The following FMNL1 variants were observed in gnomAD, a reference collection of about 807,000 sequenced individuals.
The protein encoded by FMNL1 is formin like 1, also known as formin-like protein 1.
A neutral mutation model predicts 121.3 loss-of-function variants in FMNL1; 43 were observed. The observed-to-expected ratio is 0.35, with a 90% confidence interval of 0.28 to 0.46. FMNL1 has a LOEUF of 0.46. FMNL1 is among the 20% of genes least tolerant of loss of function. The pLI, the probability that FMNL1 is intolerant of heterozygous loss-of-function variation, is 1.00. For missense variants in FMNL1, 1,191 were observed against 1,482.4 expected (o/e 0.80, Z 3.23); for synonymous variants, 613 against 613.5 (o/e 1.00, Z 0.01).
chr17:45,242,537 C>T, intron 16 of FMNL1, 72 bp downstream of exon 16: 1 of 1,549,638 alleles, frequency 6.5e-7, no homozygotes, highest in Non-Finnish European at 8.7e-7. Context: ...AGGCTGGGCC[C>T]TGGGGGTAGT....
chr17:45,225,046 C>T (rs1042593873), intron 1 of FMNL1, among the ~76,000 whole-genome samples: 1 of 152,242 alleles, frequency 6.6e-6, no homozygotes, highest in Non-Finnish European at 1.5e-5. Flanking sequence ...GGGCCTGGGA[C>T]ACCCCTGATC....
At chr17:45,225,366 C>T (rs556379313) in intron 1 of FMNL1, among the ~76,000 whole-genome samples, 2 of 152,322 alleles carry the variant, frequency 1.3e-5, no homozygotes, top group South Asian at 2.1e-4. Flanking sequence ...CTCCCACCTC[C>T]GGGACAGGGC....
At position 45,237,170 on chromosome 17, in the gene FMNL1, T is replaced by G; in HGVS notation, c.724-111T>G. 1 of 951,976 alleles carries G rather than the reference T, an allele frequency of 1.1e-6. No homozygotes were observed. The highest frequency in any genetic ancestry group is 1.6e-6 in the Non-Finnish European group (1 of 613,770). The allele number at this position is 951,976 out of a possible 1,614,324, so 59.0% of individuals were successfully genotyped here. A position where few individuals can be genotyped will look rare whatever the true frequency, so the allele number is the denominator to read the frequency against. On this transcript the variant is annotated intron_variant, in intron 7 of 26. Transcript: ENST00000331495. This position sits in a 1 kb window ranked among gnomAD's most constrained non-coding sequence, Gnocchi z 4.4. ...TTTTGGTGGCCACAGAAGTTGCGGT[T>G]GGATACAAAGAACTTCCTAAACTCG... is the stretch of plus-strand genomic sequence containing the variant.
At chr17:45,242,854 T>C (rs1189743025) in intron 16 of FMNL1, among the ~76,000 whole-genome samples, 1 of 152,210 alleles carries the variant, frequency 6.6e-6, no homozygotes, top group Non-Finnish European at 1.5e-5. Flanking sequence ...TCTTTTCCTT[T>C]CTCCTTTTTA....
At chr17:45,229,166 G>A (rs1013903630) in intron 1 of FMNL1, among the ~76,000 whole-genome samples, 1 of 152,138 alleles carries the variant, frequency 6.6e-6, no homozygotes, top group Non-Finnish European at 1.5e-5. Context: ...TCGCAATAGG[G>A]GAGAGGAATG....
rs184517136 is a variant in FMNL1 at position 45,239,248 on chromosome 17, A to G, written c.1080+183A>G. Reference sequence around the variant, plus strand: ...TCAGTGTCAGTTTTGCCATCTGTGAAATAGGAGAATCATAGAAGATAATCT... The same window carrying G: ...TCAGTGTCAGTTTTGCCATCTGTGAGATAGGAGAATCATAGAAGATAATCT... On this transcript the variant is annotated intron_variant, in intron 11 of 26. Transcript: ENST00000331495. 139 of 602,786 alleles carry G rather than the reference A, an allele frequency of 2.3e-4. No homozygotes were observed. The Admixed American group carries it at 3.8e-3, about 17-fold the overall frequency. The allele number at this position is 602,786 out of a possible 1,614,324, so 37.3% of individuals were successfully genotyped here. A position where few individuals can be genotyped will look rare whatever the true frequency, so the allele number is the denominator to read the frequency against.
rs757237357 is a variant in FMNL1, at chr17:45,241,686, G to A, written c.1585+52G>A. 3 of 1,453,550 alleles carry A rather than the reference G, an allele frequency of 2.1e-6. 1 individual carries two copies. Among genetic ancestry groups the A allele is most frequent in the South Asian group, 2.9e-5 (2 of 70,128 alleles). 90.0% of individuals were successfully genotyped at this position (1,453,550 alleles called of 1,614,324 possible). On this transcript the variant is annotated intron_variant, in intron 14 of 26. Transcript: ENST00000331495. The surrounding 1 kb of genome is among the most constrained non-coding windows in gnomAD (Gnocchi z 7.0). The stretch of plus-strand genomic sequence containing the variant: ...GATGCGGGGCAGGGTCTGGAGGGGA[G>A]CCCAGGGGCATCTGTGGCGGGCAGA...
chr17:45,245,346 T>C lies in FMNL1; in HGVS notation c.2822T>C (p.Val941Ala). 2 of 1,614,118 alleles carry C rather than the reference T, an allele frequency of 1.2e-6. No homozygotes were observed. Among genetic ancestry groups the C allele is most frequent in the Non-Finnish European group, 1.7e-6 (2 of 1,180,018 alleles). ...TTTGTGCGGCAGGATGACTGCATGG[T>C]GCTCAAGGAGTTCCTGAGGGCCAAC... ...REFVRQDDCM[V>A]LKEFLRANSP... Residue 941 changes from valine to alanine, a missense_variant, in exon 22 of 27, where the codon GTG becomes GCG. By Grantham distance (64) the Val-to-Ala change is moderately conservative. This residue lies in a region of FMNL1 where 367 missense variants were observed against 528.6 expected (regional missense o/e 0.69). Coordinates refer to ENST00000331495, the MANE Select transcript of FMNL1 (RefSeq NM_005892.4).
At chr17:45,238,875 G>T in intron 10 of FMNL1, 80 bp from the exon 11 acceptor site, 1 of 1,260,904 alleles carries the variant, frequency 7.9e-7, no homozygotes, top group Non-Finnish European at 1.2e-6. Context: ...AAGGAGGGAG[G>T]CTTGGGGTAA....
intron 11 of FMNL1, chr17:45,240,207 G>A (rs7212404): frequency 0.22 from 50,805 of 235,098 alleles, 7,809 homozygotes; most frequent in African/African-American, 0.48. Flanking sequence ...GCTGACGCCT[G>A]TGGGGTTTCT....
chr17:45,234,034 C>T (rs1231950573), intron 5 of FMNL1, 38 bp from the exon 6 acceptor site: 1 of 1,609,440 alleles, frequency 6.2e-7, no homozygotes. Flanking sequence ...GTGGCCCCTG[C>T]AGTGTTGGCC....
Position 45,242,081 on chromosome 17 carries a change from C to T in FMNL1, c.1820C>T (p.Pro607Leu). Reference protein sequence around the residue: ...TDGPVPPPPPPPPPPPGGPPD... With the variant: ...TDGPVPPPPPLPPPPPGGPPD... ...GGGCCGGTGCCTCCGCCGCCGCCGC[C>T]GCCGCCGCCGCCTCCCGGAGGTCCT... is the stretch of plus-strand genomic sequence containing the variant. Residue 607 changes from proline (P) to leucine (L), a missense_variant, in exon 15 of 27, where the codon CCG becomes CTG. This residue lies in a region of FMNL1 where 519 missense variants were observed against 492.8 expected (regional missense o/e 1.05). Coordinates refer to ENST00000331495, the MANE Select transcript of FMNL1 (RefSeq NM_005892.4). The T allele has an allele frequency of 2.0e-6, 3 of 1,522,580 alleles. No individual in the cohort carries two copies. Among genetic ancestry groups the T allele is most frequent in the African/African-American group, 1.4e-5 (1 of 71,868 alleles). 94.3% of individuals were successfully genotyped at this position (1,522,580 alleles called of 1,614,324 possible).
In FMNL1 at chr17:45,237,589, G is replaced by A; in HGVS notation, c.844G>A (p.Val282Met). 6.2e-7 allele frequency: 1 copy of A among 1,614,186 alleles called. No individual in the cohort carries two copies. The highest frequency in any genetic ancestry group is 8.5e-7 in the Non-Finnish European group (1 of 1,180,028). Reference sequence around the variant, plus strand: ...GGAGCTGCTGGCGGCCGTGTGCTTGGTGCGGGGAGGACATGACATCATCCT... The same window carrying A: ...GGAGCTGCTGGCGGCCGTGTGCTTGATGCGGGGAGGACATGACATCATCCT... ...VLELLAAVCL[V>M]RGGHDIILAA... The change falls in exon 9 of 27, where the codon GTG (valine) becomes ATG (methionine). Residue 282 changes from valine to methionine, a missense_variant. Coordinates refer to ENST00000331495, the MANE Select transcript of FMNL1 (RefSeq NM_005892.4). The surrounding 1 kb of genome is among the most constrained non-coding windows in gnomAD (Gnocchi z 4.4).
chr17:45,244,026 G>A lies in FMNL1; in HGVS notation c.2448+1G>A. ...GGACACAGCCCAGCTGCTCATGCCG[G>A]TGTGGGCGGAGCGGGCAGGGCGGTG... is the stretch of plus-strand genomic sequence containing the variant. On this transcript the variant is annotated splice_donor_variant, in intron 18 of 26. Transcript: ENST00000331495. LOFTEE classifies it high-confidence loss of function. 3 of 1,607,018 alleles carry A rather than the reference G, an allele frequency of 1.9e-6. No individual in the cohort carries two copies. The highest frequency in any genetic ancestry group is 2.5e-6 in the Non-Finnish European group (3 of 1,177,176).
chr17:45,222,385 C>A, intron 1 of FMNL1, 132 bp downstream of exon 1: 1 of 769,150 alleles, frequency 1.3e-6, no homozygotes, highest in Non-Finnish European at 1.7e-6. Flanking sequence ...CTGCCCCCTC[C>A]AGGAGGTGGG....
chr17:45,242,932 CCCT>C (rs1430754749), intron 16 of FMNL1, among the ~76,000 whole-genome samples, 183 bp from the exon 17 acceptor site: 1 of 152,232 alleles, frequency 6.6e-6, no homozygotes, highest in African/African-American at 2.4e-5. Context: ...GGTTAGGCGG[CCCT>C]CCTCCTCCAG....
intron 25 of FMNL1, 41 bp downstream of exon 25, chr17:45,246,371 CCTT>C (rs1241732295): frequency 1.2e-6 from 2 of 1,614,032 alleles, no homozygotes; most frequent in Middle Eastern, 1.6e-4. Context: ...CTCAGTCTGT[CCTT>C]CTATGCTTTC....
At position 45,233,887 on chromosome 17, in the gene FMNL1, C is replaced by T; in HGVS notation, c.485+156C>T. The T allele has an allele frequency of 2.3e-6, 3 of 1,323,212 alleles. No individual in the cohort carries two copies. Among genetic ancestry groups the T allele is most frequent in the Non-Finnish European group, 3.1e-6 (3 of 976,030 alleles). The allele number at this position is 1,323,212 out of a possible 1,614,324, so 82.0% of individuals were successfully genotyped here. A position where few individuals can be genotyped will look rare whatever the true frequency, so the allele number is the denominator to read the frequency against. On this transcript the variant is annotated intron_variant, in intron 5 of 26. Transcript: ENST00000331495. The surrounding 1 kb of genome is among the most constrained non-coding windows in gnomAD (Gnocchi z 4.1). ...CTTGAGCGATGCTCCTTCCAGAAGGCCTGCCCCCGACAGGGAGGGGTGGCC... is the reference window on the plus strand; with the variant it reads ...CTTGAGCGATGCTCCTTCCAGAAGGTCTGCCCCCGACAGGGAGGGGTGGCC...
chr17:45,233,727 G>A lies in FMNL1; in HGVS notation c.481G>A (p.Val161Ile). 4.3e-6 allele frequency: 7 copies of A among 1,613,870 alleles called. No homozygotes were observed. Among genetic ancestry groups the A allele is most frequent in the Non-Finnish European group, 5.9e-6 (7 of 1,179,944 alleles). ...GTACCTGGCCTTTGCCCAGTGCTCTGTCACGTAAGCCCCCTGCTCCCAGCC... is the reference window on the plus strand; with the variant it reads ...GTACCTGGCCTTTGCCCAGTGCTCTATCACGTAAGCCCCCTGCTCCCAGCC... ...LEYLAFAQCS[V>I]TYDMESTDNG... Residue 161 changes from valine to isoleucine, a missense_variant, in exon 5 of 27, where the codon GTC (valine) becomes ATC (isoleucine). Val to Ile is a conservative substitution (Grantham distance 29, BLOSUM62 3). Coordinates refer to ENST00000331495, the MANE Select transcript of FMNL1 (RefSeq NM_005892.4). The surrounding 1 kb of genome is among the most constrained non-coding windows in gnomAD (Gnocchi z 4.1).
Sources: gnomAD v4.1 joint callset for allele counts (sites outside exome capture counted in the v4.1 genomes callset) on GRCh38, gnomAD v4.1.1 for gene constraint, gnomAD v4.1.1 regional missense constraint, Gnocchi (gnomAD v3.1) non-coding constraint, MANE v1.5 for transcripts, NCBI Gene and HGNC (gene_info 2026-07-23, HGNC 2026-07-21) for gene names.